KIFAP3: variants seen among roughly 807,000 people sequenced by gnomAD.
KIFAP3 encodes the protein kinesin associated protein 3.
A neutral mutation model predicts 106.5 loss-of-function variants in KIFAP3; 68 were observed. That is an observed-to-expected ratio of 0.64 (90% CI 0.53 to 0.78). The LOEUF (loss-of-function observed/expected upper bound fraction) is 0.78. Ranked by LOEUF, KIFAP3 falls within the 30% of genes least tolerant of loss-of-function variation. KIFAP3 has a pLI of 0.00. For synonymous variants in KIFAP3, 320 were observed against 311.5 expected (o/e 1.03, Z -0.29); for missense variants, 780 against 941.8 (o/e 0.83, Z 2.25).
chr1:170,024,698 G>A, intron 8 of KIFAP3, 102 bp from the exon 9 acceptor site: 2 of 632,706 alleles, frequency 3.2e-6, no homozygotes, highest in East Asian at 3.3e-5. Flanking sequence ...GCCCTAAAAA[G>A]GTAATATATT....
intron 1 of KIFAP3, among the ~76,000 whole-genome samples, chr1:170,060,907 G>A (rs1671115065): frequency 6.6e-6 from 1 of 152,146 alleles, no homozygotes; most frequent in Non-Finnish European, 1.5e-5. Flanking sequence ...ACAAGCAATG[G>A]GGAAAGGATT....
intron 19 of KIFAP3, among the ~76,000 whole-genome samples, chr1:169,950,080 T>G (rs1216216411): frequency 6.6e-6 from 1 of 152,180 alleles, no homozygotes; most frequent in Non-Finnish European, 1.5e-5. Flanking sequence ...TCTCTAAATC[T>G]GGCTTAGTTT....
intron 19 of KIFAP3, chr1:169,923,098 A>T: frequency 1.0e-6 from 1 of 985,210 alleles, no homozygotes; most frequent in Non-Finnish European, 1.2e-6. Flanking sequence ...AGGAGAATGG[A>T]AGTTCTGAAA....
chr1:170,040,812 G>A (rs1669935425), intron 3 of KIFAP3, among the ~76,000 whole-genome samples: 1 of 148,766 alleles, frequency 6.7e-6, no homozygotes, highest in Non-Finnish European at 1.5e-5. Flanking sequence ...AAGCAATCAT[G>A]TTCAAAATGT....
intron 10 of KIFAP3, among the ~76,000 whole-genome samples, chr1:170,007,203 G>T (rs1345130062): frequency 2.6e-5 from 4 of 151,964 alleles, no homozygotes; most frequent in African/African-American, 9.7e-5. Context: ...TGTGGGAGGT[G>T]AAGGGTGGGA....
In KIFAP3 at chr1:170,016,478, C is replaced by G; in HGVS notation, c.1167G>C (p.Lys389Asn). Residue 389 changes from lysine to asparagine, a missense_variant, in exon 10 of 20, where the codon AAG (lysine) becomes AAC (asparagine). Physicochemically the swap from Lys to Asn is moderately conservative, Grantham distance 94. Transcript: ENST00000361580. ...AAAGCATACCTAGGAGTGCAGTGAGCTTGGGAAGCAGTCCAACTTGTACCA... is the reference window on the plus strand; with the variant it reads ...AAAGCATACCTAGGAGTGCAGTGAGGTTGGGAAGCAGTCCAACTTGTACCA... The part of the protein sequence containing the change: ...NKMVQVGLLP[K>N]LTALLGNDNY... The G allele has an allele frequency of 6.2e-7, 1 of 1,604,202 alleles. No individual in the cohort carries two copies. The highest frequency in any genetic ancestry group is 1.1e-5 in the South Asian group (1 of 88,964).
At chr1:169,933,433 G>T (rs575624989) in intron 19 of KIFAP3, among the ~76,000 whole-genome samples, 74 of 151,978 alleles carry the variant, frequency 4.9e-4, no homozygotes, top group African/African-American at 1.6e-3. Context: ...TACATTATGG[G>T]TTTCTTTTTT....
chr1:170,047,596 G>A (rs921599317), intron 2 of KIFAP3, among the ~76,000 whole-genome samples: 1 of 135,626 alleles, frequency 7.4e-6, no homozygotes, highest in Non-Finnish European at 1.5e-5. Context: ...ACTCCAGCCT[G>A]TGTGACAGGG....
At chr1:170,049,513 G>A (rs986351330) in intron 2 of KIFAP3, among the ~76,000 whole-genome samples, 1 of 152,162 alleles carries the variant, frequency 6.6e-6, no homozygotes, top group Non-Finnish European at 1.5e-5. Flanking sequence ...CCTCAAGTGG[G>A]TCCCTGACCC....
chr1:169,942,353 C>T (rs541978152), intron 19 of KIFAP3, among the ~76,000 whole-genome samples: 6 of 152,286 alleles, frequency 3.9e-5, no homozygotes, highest in Non-Finnish European at 5.9e-5. Flanking sequence ...GCAGTGCAGA[C>T]GGACTTCCAC....
chr1:169,940,604 T>A (rs1421710129), intron 19 of KIFAP3, among the ~76,000 whole-genome samples: 1 of 152,126 alleles, frequency 6.6e-6, no homozygotes, highest in African/African-American at 2.4e-5. Flanking sequence ...TGTGCGCCTA[T>A]AAGAATCTAA....
intron 1 of KIFAP3, 23 bp downstream of exon 1, chr1:170,074,413 A>C (rs1459133417): frequency 6.2e-7 from 1 of 1,613,636 alleles, no homozygotes; most frequent in Admixed American, 1.7e-5. Flanking sequence ...GGAGGGTAGG[A>C]CAGAGCCTTG....
intron 1 of KIFAP3, among the ~76,000 whole-genome samples, chr1:170,082,103 A>T (rs1418308194): frequency 1.3e-5 from 2 of 152,226 alleles, no homozygotes; most frequent in Non-Finnish European, 2.9e-5. Context: ...ACCCAAGAAA[A>T]ATGAAAACAT....
intron 10 of KIFAP3, among the ~76,000 whole-genome samples, chr1:170,010,282 A>T (rs1668179052): frequency 6.6e-6 from 1 of 152,038 alleles, no homozygotes; most frequent in Non-Finnish European, 1.5e-5. Context: ...TTAGGGAAAG[A>T]TCAAAACTAC....
In KIFAP3 at chr1:170,046,210, C is replaced by CAAAAA. The variant is rs60580320; in HGVS notation, c.319+497_319+501dup. On this transcript the variant is annotated intron_variant, in intron 3 of 19. Coordinates refer to ENST00000361580, the MANE Select transcript of KIFAP3 (RefSeq NM_014970.4). ...CCAGATTAAACCTTTTTCTCTGCTG[C>CAAAAA]AAAAAAAAAAAAAAAAAAAGGAAAC... is the stretch of plus-strand genomic sequence containing the variant. 4.4e-4 allele frequency among the ~76,000 whole-genome samples: 25 copies of CAAAAA among 56,934 alleles called. 2 individuals are homozygous for CAAAAA. The highest frequency in any genetic ancestry group is 1.3e-3 in the East Asian group (1 of 764). 37.4% of individuals were successfully genotyped at this position (56,934 alleles called of 152,430 possible).
chr1:169,961,158 T>C lies in KIFAP3; in HGVS notation c.2061A>G (p.Val687=), dbSNP rs1401555580. 4.3e-6 allele frequency: 7 copies of C among 1,613,468 alleles called. No individual in the cohort carries two copies. The highest frequency in any genetic ancestry group is 5.9e-6 in the Non-Finnish European group (7 of 1,179,484). The change falls in exon 18 of 20, where the codon GTA becomes GTG. Residue 687 remains valine (V), a synonymous_variant. Coordinates refer to ENST00000361580, the MANE Select transcript of KIFAP3 (RefSeq NM_014970.4). Reference sequence around the variant, plus strand: ...CACTCTCATCCATCTGACGACTCTCTACCATCTCCAGCCACTGAGAGTTAT... The same window carrying C: ...CACTCTCATCCATCTGACGACTCTCCACCATCTCCAGCCACTGAGAGTTAT... ...RWHNSQWLEM[V]ESRQMDESEQ...
At chr1:170,070,328 C>G (rs1671642807) in intron 1 of KIFAP3, among the ~76,000 whole-genome samples, 1 of 151,920 alleles carries the variant, frequency 6.6e-6, no homozygotes, top group African/African-American at 2.4e-5. Context: ...ATATAAGGAA[C>G]CCTAAATAGC....
intron 17 of KIFAP3, among the ~76,000 whole-genome samples, chr1:169,971,349 G>A (rs1032648908): frequency 1.3e-5 from 2 of 151,950 alleles, no homozygotes; most frequent in Non-Finnish European, 2.9e-5. Context: ...AATAGTACAT[G>A]AGCCATGAAA....
chr1:169,977,661 C>T (rs1393858829), intron 16 of KIFAP3, among the ~76,000 whole-genome samples: 1 of 152,004 alleles, frequency 6.6e-6, no homozygotes, highest in Non-Finnish European at 1.5e-5. Context: ...GCAACAAATG[C>T]CTAGGGCTCA....
Sources: gnomAD v4.1 joint callset for allele counts (sites outside exome capture counted in the v4.1 genomes callset) on GRCh38, gnomAD v4.1.1 for gene constraint, MANE v1.5 for transcripts, NCBI Gene and HGNC (gene_info 2026-07-23, HGNC 2026-07-21) for gene names.